The following PI4KB variants were observed in gnomAD, a reference collection of about 807,000 sequenced individuals.
The protein encoded by PI4KB is PtdIns 4-kinase beta.
In PI4KB, 23 loss-of-function variants were observed where a neutral mutation model predicts 81.4. The observed-to-expected ratio is 0.28, with a 90% CI of 0.20 to 0.40. PI4KB has a LOEUF of 0.40. Among genes scored for constraint, PI4KB ranks in the 10% least tolerant of loss-of-function variants. The probability of loss-of-function intolerance (pLI) is 1.00; values close to 1 mark genes in which losing one functional copy is unlikely to be tolerated. For synonymous variants in PI4KB, 381 were observed against 406.8 expected (o/e 0.94, Z 0.76); for missense variants, 651 against 1,036.6 (o/e 0.63, Z 5.11).
At chr1:151,299,098 G>C in intron 8 of PI4KB, 25 bp from the exon 9 acceptor site, 1 of 1,604,812 alleles carries the variant, frequency 6.2e-7, no homozygotes, top group Non-Finnish European at 8.5e-7. Flanking sequence ...GGAGGATACA[G>C]GACTCTTATC....
chr1:151,306,932 G>A (rs898343352), intron 4 of PI4KB, among the ~76,000 whole-genome samples: 5 of 152,186 alleles, frequency 3.3e-5, no homozygotes, highest in Non-Finnish European at 7.3e-5. Context: ...AAAATTAGCC[G>A]GGTGTGGTGG....
At chr1:151,317,978 A>T (rs1466859125) in intron 1 of PI4KB, among the ~76,000 whole-genome samples, 1 of 151,338 alleles carries the variant, frequency 6.6e-6, no homozygotes, top group Non-Finnish European at 1.5e-5. Flanking sequence ...TCAGCTAATT[A>T]AAAAAAAATT....
At chr1:151,299,100 A>G in intron 8 of PI4KB, 27 bp from the exon 9 acceptor site, 1 of 1,600,956 alleles carries the variant, frequency 6.2e-7, no homozygotes, top group Non-Finnish European at 8.6e-7. Context: ...AGGATACAGG[A>G]CTCTTATCTT....
At chr1:151,298,644 T>A in intron 9 of PI4KB, 164 bp downstream of exon 9, 1 of 776,144 alleles carries the variant, frequency 1.3e-6, no homozygotes, top group Non-Finnish European at 2.1e-6. Flanking sequence ...TTAGTCTGCC[T>A]CCTGACTTAA....
At chr1:151,296,305 C>T (rs1419291901) in intron 9 of PI4KB, among the ~76,000 whole-genome samples, 1 of 152,086 alleles carries the variant, frequency 6.6e-6, no homozygotes, top group Non-Finnish European at 1.5e-5. Context: ...AGCCTGGGTC[C>T]ATTTGTAGGG....
At position 151,307,569 on chromosome 1, in the gene PI4KB, T is replaced by C. The variant is rs1444045356; in HGVS notation, c.1182+5A>G. On this transcript the variant is annotated splice_donor_5th_base_variant and intron_variant, in intron 4 of 11. Coordinates refer to ENST00000368873, the MANE Select transcript of PI4KB (RefSeq NM_001369623.2). Reference sequence around the variant, plus strand: ...GGGTAGGGGTTTGGGCCAGAACCCATCTACCTTGTCCTTGGAGTTGAGGAC... The same window carrying C: ...GGGTAGGGGTTTGGGCCAGAACCCACCTACCTTGTCCTTGGAGTTGAGGAC... The C allele has an allele frequency of 1.2e-6, 2 of 1,604,634 alleles. No homozygotes were observed. The highest frequency in any genetic ancestry group is 2.7e-5 in the African/African-American group (2 of 74,684).
Position 151,303,591 on chromosome 1 carries a change from G to C in PI4KB, c.1470C>G (p.Ile490Met), listed in dbSNP as rs780574306. The C allele has an allele frequency of 1.2e-6, 2 of 1,614,092 alleles. No homozygotes were observed. Among genetic ancestry groups the C allele is most frequent in the South Asian group, 2.2e-5 (2 of 91,080 alleles). The part of the protein sequence containing the change: ...DNISQFSVDS[I>M]TSQESKEPVF... ...CAGGCTCCTTGCTCTCCTGGCTGGTGATGCTGTCCACAGAGAACTGGGAGA... is the reference window on the plus strand; with the variant it reads ...CAGGCTCCTTGCTCTCCTGGCTGGTCATGCTGTCCACAGAGAACTGGGAGA... Residue 490 changes from isoleucine to methionine, a missense_variant, in exon 6 of 12, where the codon ATC becomes ATG. Physicochemically the swap from Ile to Met is conservative, Grantham distance 10. This residue lies in a region of PI4KB where 246 missense variants were observed against 430.1 expected (regional missense o/e 0.57). Transcript: ENST00000368873.
chr1:151,323,711 G>T (rs753446876), intron 1 of PI4KB, among the ~76,000 whole-genome samples: 1 of 152,022 alleles, frequency 6.6e-6, no homozygotes, highest in African/African-American at 2.4e-5. Context: ...GCGACAGAAC[G>T]AGACTCCATC....
chr1:151,322,083 G>A (rs1317496456), intron 1 of PI4KB, among the ~76,000 whole-genome samples: 1 of 152,018 alleles, frequency 6.6e-6, no homozygotes, highest in Non-Finnish European at 1.5e-5. Flanking sequence ...GACAACTGAG[G>A]CTCTACACTT....
At chr1:151,317,632 G>C (rs1330218518) in intron 1 of PI4KB, among the ~76,000 whole-genome samples, 5 of 152,080 alleles carry the variant, frequency 3.3e-5, no homozygotes, top group Admixed American at 6.6e-5. Context: ...AGATTCTTCG[G>C]GTAGACTGAG....
At chr1:151,296,854 C>G (rs1312847919) in intron 9 of PI4KB, among the ~76,000 whole-genome samples, 1 of 152,014 alleles carries the variant, frequency 6.6e-6, no homozygotes, top group Non-Finnish European at 1.5e-5. Context: ...CATCTCACTG[C>G]AACCTCCACC....
intron 9 of PI4KB, among the ~76,000 whole-genome samples, chr1:151,298,173 G>A (rs1694965179): frequency 6.6e-6 from 1 of 152,198 alleles, no homozygotes; most frequent in Non-Finnish European, 1.5e-5. Flanking sequence ...TAAGAAGTGA[G>A]GAGAGTTCAT....
intron 1 of PI4KB, among the ~76,000 whole-genome samples, chr1:151,317,229 T>C (rs1361115153): frequency 2.0e-5 from 3 of 150,070 alleles, no homozygotes; most frequent in African/African-American, 7.4e-5. Context: ...AACCTTGACC[T>C]CCTGGGCTCA....
chr1:151,314,655 C>A (rs971125421), intron 2 of PI4KB, among the ~76,000 whole-genome samples: 23 of 152,280 alleles, frequency 1.5e-4, no homozygotes, highest in Admixed American at 5.9e-4. Context: ...CACTCTTCCC[C>A]CTAAGGAAAG....
chr1:151,319,475 T>C (rs1648528752), intron 1 of PI4KB, among the ~76,000 whole-genome samples: 1 of 152,184 alleles, frequency 6.6e-6, no homozygotes, highest in South Asian at 2.1e-4. Context: ...CCCACTGTCA[T>C]ACACACATTC....
intron 1 of PI4KB, among the ~76,000 whole-genome samples, chr1:151,318,415 C>CA (rs1372876914): frequency 0.094 from 4,721 of 50,232 alleles, 167 homozygotes; most frequent in African/African-American, 0.2. Context: ...GACTCTGTCT[C>CA]AAAAAAAAAA....
intron 4 of PI4KB, 113 bp downstream of exon 4, chr1:151,307,461 T>C (rs865817496): frequency 4.0e-5 from 27 of 673,718 alleles, no homozygotes; most frequent in Middle Eastern, 7.9e-4. Flanking sequence ...TCATGAACTA[T>C]GAAGGGAGTC....
rs970217779 is a variant in PI4KB at position 151,320,165 on chromosome 1, T to C, written c.-28-3656A>G. ...TCTCCTGCCTCAGGCTCACAAGTAG[T>C]TGGGACTACAGATGCCCGCCACCAC... On this transcript the variant is annotated intron_variant, in intron 1 of 11. Transcript: ENST00000368873. 1.1e-4 allele frequency among the ~76,000 whole-genome samples: 17 copies of C among 152,134 alleles called. No homozygotes were observed. In the South Asian group the frequency reaches 1.7e-3, roughly 15 times the overall value.
intron 1 of PI4KB, among the ~76,000 whole-genome samples, chr1:151,326,768 T>C (rs550662521): frequency 1.1e-4 from 17 of 151,966 alleles, no homozygotes; most frequent in African/African-American, 3.9e-4. Context: ...AGTGAGGTAA[T>C]GGAATCAGAA....
Sources: gnomAD v4.1 joint callset for allele counts (sites outside exome capture counted in the v4.1 genomes callset) on GRCh38, gnomAD v4.1.1 for gene constraint, gnomAD v4.1.1 regional missense constraint, MANE v1.5 for transcripts, NCBI Gene and HGNC (gene_info 2026-07-23, HGNC 2026-07-21) for gene names.